E2F1: variants seen among roughly 807,000 people sequenced by gnomAD.
E2F1 encodes E2F transcription factor 1.
In E2F1, 7 loss-of-function variants were observed where a neutral mutation model predicts 36.9. The observed-to-expected ratio is 0.19, with a 90% CI of 0.11 to 0.36. The LOEUF is 0.36. Ranked by LOEUF, E2F1 falls within the 10% of genes least tolerant of loss-of-function variation. The probability of loss-of-function intolerance (pLI) is 1.00; values close to 1 mark genes in which losing one functional copy is unlikely to be tolerated. For synonymous variants in E2F1, 261 were observed against 263.1 expected (o/e 0.99, Z 0.08); for missense variants, 406 against 573.6 (o/e 0.71, Z 2.99).
chr20:33,683,694 C>A (rs1446096889), intron 1 of E2F1, among the ~76,000 whole-genome samples: 2 of 151,956 alleles, frequency 1.3e-5, no homozygotes, highest in Non-Finnish European at 2.9e-5. Flanking sequence ...ATAGCTTGAA[C>A]TTGGGAGGCA....
At position 33,678,331 on chromosome 20, in the gene E2F1, C is replaced by T. The variant is rs771638059; in HGVS notation, c.595G>A (p.Val199Ile). 20 of 1,612,260 alleles carry T rather than the reference C, an allele frequency of 1.2e-5. No homozygotes were observed. Among genetic ancestry groups the T allele is most frequent in the South Asian group, 3.3e-5 (3 of 91,012 alleles). ...QWLGSHTTVGVGGRLEGLTQD... is the reference protein window; with the variant it reads ...QWLGSHTTVGIGGRLEGLTQD... ...GTCAACCCCTCAAGCCGTCCGCCGA[C>T]GCCCACTGTGGTGTGGCTGCCCCTG... Residue 199 changes from valine to isoleucine, a missense_variant, in exon 4 of 7, where the codon GTC becomes ATC. This residue lies in a region of E2F1 where 93 missense variants were observed against 143.3 expected (regional missense o/e 0.65). Coordinates refer to ENST00000343380, the MANE Select transcript of E2F1 (RefSeq NM_005225.3).
Position 33,677,540 on chromosome 20 carries a change from G to A in E2F1, c.726C>T (p.Arg242=). The change falls in exon 5 of 7, where the codon CGC becomes CGT. Residue 242 remains arginine, a splice_region_variant and synonymous_variant. Transcript: ENST00000343380. Reference sequence around the variant, plus strand: ...GGTCCTGACACGTCACGTAGGCCAGGGTTGGCAGAGTCAAGGACCACATGA... The same window carrying A: ...GGTCCTGACACGTCACGTAGGCCAGAGTTGGCAGAGTCAAGGACCACATGA... ...RLLSEDTDSQ[R]LAYVTCQDLR... is the part of the protein sequence containing the mutation. 2 of 1,613,438 alleles carry A rather than the reference G, an allele frequency of 1.2e-6. No individual in the cohort carries two copies. The highest frequency in any genetic ancestry group is 2.7e-5 in the African/African-American group (2 of 75,000).
At chr20:33,685,866 C>G in intron 1 of E2F1, 138 bp downstream of exon 1, 1 of 859,656 alleles carries the variant, frequency 1.2e-6, no homozygotes, top group South Asian at 5.5e-5. Context: ...CCAACCCCGG[C>G]TCTGCACCGC....
chr20:33,679,625 A>G lies in E2F1; in HGVS notation c.572+130T>C, dbSNP rs149406045. ...TACCATCTATCATCTCAGGGAAGCT[A>G]CCTCTCCTCTCTGAGCCCGTTTCCC... On this transcript the variant is annotated intron_variant, in intron 3 of 6. Coordinates refer to ENST00000343380, the MANE Select transcript of E2F1 (RefSeq NM_005225.3). This position sits in a 1 kb window ranked among gnomAD's most constrained non-coding sequence, Gnocchi z 4.6. The G allele has an allele frequency of 4.0e-4, 314 of 789,650 alleles. No homozygotes were observed. The African/African-American group carries it at 4.8e-3, about 12-fold the overall frequency. The allele number at this position is 789,650 out of a possible 1,614,324, so 48.9% of individuals were successfully genotyped here.
At chr20:33,677,362 G>A (rs746765090) in intron 5 of E2F1, 32 bp from the exon 6 acceptor site, 2 of 1,610,880 alleles carry the variant, frequency 1.2e-6, no homozygotes, top group Admixed American at 3.3e-5. Context: ...GGTAAACTGA[G>A]GCCCAGGTGA....
Position 33,676,999 on chromosome 20 carries a change from C to G in E2F1, c.1067-20G>C, listed in dbSNP as rs1247319154. The G allele has an allele frequency of 1.3e-6, 2 of 1,558,260 alleles. No individual in the cohort carries two copies. The highest frequency in any genetic ancestry group is 1.7e-6 in the Non-Finnish European group (2 of 1,147,994). On this transcript the variant is annotated intron_variant, in intron 6 of 6. Coordinates refer to ENST00000343380, the MANE Select transcript of E2F1 (RefSeq NM_005225.3). ...GCGGTTCTGGGGAGACGGGGAGCAT[C>G]ACAGGCCGGGGATGCCCCAGCAGGG...
At position 33,676,881 on chromosome 20, in the gene E2F1, C is replaced by T. The variant is rs560760846; in HGVS notation, c.1165G>A (p.Glu389Lys). ...TCAGGGAGGAGGCCGGAGAAGTCCT[C>T]CCGCACATGCTCCAGGAGCGAGTCG... ...AADSLLEHVR[E>K]DFSGLLPEEF... Residue 389 changes from glutamate to lysine, a missense_variant, in exon 7 of 7, where the codon GAG (glutamate) becomes AAG (lysine). Physicochemically the swap from Glu to Lys is moderately conservative, Grantham distance 56. Around this residue, in one of 5 missense-constraint regions of E2F1, gnomAD observed 163 missense variants for 181.5 expected, o/e 0.90. Transcript: ENST00000343380. 6 of 1,577,748 alleles carry T rather than the reference C, an allele frequency of 3.8e-6. No homozygotes were observed. Among genetic ancestry groups the T allele is most frequent in the South Asian group, 3.5e-5 (3 of 86,896 alleles).
At chr20:33,684,083 G>A (rs1422884913) in intron 1 of E2F1, among the ~76,000 whole-genome samples, 1 of 152,178 alleles carries the variant, frequency 6.6e-6, no homozygotes, top group Non-Finnish European at 1.5e-5. Flanking sequence ...TTGTCTCTGG[G>A]CCTAGTGCCT....
At position 33,680,229 on chromosome 20, in the gene E2F1, A is replaced by G; in HGVS notation, c.352+97T>C. ...TCCTCAGAGGCCTGGCTCAAGCCCG[A>G]CAAGCCAGACGTTAGCTTGCAAGCA... is the stretch of plus-strand genomic sequence containing the variant. On this transcript the variant is annotated intron_variant, in intron 2 of 6. Coordinates refer to ENST00000343380, the MANE Select transcript of E2F1 (RefSeq NM_005225.3). 3 of 1,370,574 alleles carry G rather than the reference A, an allele frequency of 2.2e-6. No individual in the cohort carries two copies. In the South Asian group the frequency reaches 4.0e-5, roughly 18 times the overall value. 84.9% of individuals were successfully genotyped at this position (1,370,574 alleles called of 1,614,324 possible).
chr20:33,676,688 G>C lies in E2F1; in HGVS notation c.*44C>G, dbSNP rs772778710. ...GGACAGGGGGCTCCAGGGCTGCAGA[G>C]ACAAGGTGAGCATCTCTGGAAACCC... On this transcript the variant is annotated 3_prime_UTR_variant, in exon 7 of 7. Transcript: ENST00000343380. The C allele has an allele frequency of 7.7e-6, 12 of 1,554,212 alleles. No individual in the cohort carries two copies. The highest frequency in any genetic ancestry group is 1.0e-5 in the Non-Finnish European group (12 of 1,148,802).
At position 33,678,230 on chromosome 20, in the gene E2F1, G is replaced by A; in HGVS notation, c.696C>T (p.Arg232=). 6.2e-7 allele frequency: 1 copy of A among 1,613,666 alleles called. No individual in the cohort carries two copies. The highest frequency in any genetic ancestry group is 8.5e-7 in the Non-Finnish European group (1 of 1,179,822). Residue 232 remains arginine, a synonymous_variant, in exon 4 of 7, where the codon CGC becomes CGT. Coordinates refer to ENST00000343380, the MANE Select transcript of E2F1 (RefSeq NM_005225.3). ...HLMNICTTQL[R]LLSEDTDSQR... Reference sequence around the variant, plus strand: ...GGCTGTCAGTGTCCTCGGAGAGCAGGCGCAGCTGCGTAGTACAGATATTCA... The same window carrying A: ...GGCTGTCAGTGTCCTCGGAGAGCAGACGCAGCTGCGTAGTACAGATATTCA...
intron 1 of E2F1, among the ~76,000 whole-genome samples, chr20:33,681,817 C>T (rs2018020379): frequency 6.6e-6 from 1 of 152,162 alleles, no homozygotes; most frequent in South Asian, 2.1e-4. Flanking sequence ...CCACACTGGT[C>T]TCCCTGCCTC....
rs1234891094 is a variant in E2F1 at position 33,675,981 on chromosome 20, AG to A, written c.*750del. The A allele has an allele frequency of 6.5e-6, 1 of 152,866 alleles. No homozygotes were observed. The highest frequency in any genetic ancestry group is 1.5e-5 in the Non-Finnish European group (1 of 68,494). 9.5% of individuals were successfully genotyped at this position (152,866 alleles called of 1,614,324 possible). On this transcript the variant is annotated 3_prime_UTR_variant, in exon 7 of 7. Coordinates refer to ENST00000343380, the MANE Select transcript of E2F1 (RefSeq NM_005225.3). Reference sequence around the variant, plus strand: ...ATCTGACCACCCATGGCTGTCAGTCAGTCTGTCTCCCTCCCTCACTTTCCCA... The same window carrying A: ...ATCTGACCACCCATGGCTGTCAGTCATCTGTCTCCCTCCCTCACTTTCCCA...
At position 33,685,990 on chromosome 20, in the gene E2F1, C is replaced by T; in HGVS notation, c.261+14G>A. On this transcript the variant is annotated intron_variant, in intron 1 of 6. Coordinates refer to ENST00000343380, the MANE Select transcript of E2F1 (RefSeq NM_005225.3). ...CAGGCGGCGCTGTCGGCGCGGCGTCCCTGGGGTCCGTACCGGCGGGCGGCC... is the reference window on the plus strand; with the variant it reads ...CAGGCGGCGCTGTCGGCGCGGCGTCTCTGGGGTCCGTACCGGCGGGCGGCC... 1 of 1,129,842 alleles carries T rather than the reference C, an allele frequency of 8.9e-7. No individual in the cohort carries two copies. The highest frequency in any genetic ancestry group is 1.1e-6 in the Non-Finnish European group (1 of 923,530). The allele number at this position is 1,129,842 out of a possible 1,614,324, so 70.0% of individuals were successfully genotyped here. A position where few individuals can be genotyped will look rare whatever the true frequency, so the allele number is the denominator to read the frequency against.
chr20:33,683,382 T>C (rs3213157), intron 1 of E2F1, among the ~76,000 whole-genome samples: 4,814 of 129,536 alleles, frequency 0.037, 250 homozygotes, highest in African/African-American at 0.13. Flanking sequence ...ACCCAGGAGG[T>C]AGAGGTTGCG....
rs2018065219 is a variant in E2F1, at chr20:33,686,022, G to C, written c.243C>G (p.Pro81=). ...APRPTPSAPR[P]ALGRPPVKRR... is the part of the protein sequence containing the mutation. Reference sequence around the variant, plus strand: ...TCCGTACCGGCGGGCGGCCGAGCGCGGGCCGCGGCGCACTGGGTGTGGGCC... The same window carrying C: ...TCCGTACCGGCGGGCGGCCGAGCGCCGGCCGCGGCGCACTGGGTGTGGGCC... Residue 81 remains proline, a synonymous_variant, in exon 1 of 7, where the codon CCC becomes CCG. Transcript: ENST00000343380. 2.0e-5 allele frequency: 23 copies of C among 1,132,534 alleles called. No individual in the cohort carries two copies. The highest frequency in any genetic ancestry group is 2.4e-5 in the Non-Finnish European group (22 of 925,512). The allele number at this position is 1,132,534 out of a possible 1,614,324, so 70.2% of individuals were successfully genotyped here. A position where few individuals can be genotyped will look rare whatever the true frequency, so the allele number is the denominator to read the frequency against.
rs1177598997 is a variant in E2F1, at chr20:33,676,665, ACAGGGGGCTC to A, written c.*57_*66del. On this transcript the variant is annotated 3_prime_UTR_variant, in exon 7 of 7. Coordinates refer to ENST00000343380, the MANE Select transcript of E2F1 (RefSeq NM_005225.3). ...AAACAGGCTGGGAGGACGGCCAGGG[ACAGGGGGCTC>A]CAGGGCTGCAGAGACAAGGTGAGCA... is the stretch of plus-strand genomic sequence containing the variant. The A allele has an allele frequency of 2.2e-5, 34 of 1,520,422 alleles. No individual in the cohort carries two copies. The highest frequency in any genetic ancestry group is 2.8e-5 in the Non-Finnish European group (32 of 1,133,188). 94.2% of individuals were successfully genotyped at this position (1,520,422 alleles called of 1,614,324 possible).
rs568759199 is a variant in E2F1 at position 33,679,979 on chromosome 20, G to T, written c.353-5C>A. The stretch of plus-strand genomic sequence containing the variant: ...TCTCCCCCGGGGATTTCACACCTGT[G>T]GGGGTGTGGTCAGGCAAGACAGGGC... On this transcript the variant is annotated splice_polypyrimidine_tract_variant and splice_region_variant and intron_variant, in intron 2 of 6. Coordinates refer to ENST00000343380, the MANE Select transcript of E2F1 (RefSeq NM_005225.3). The surrounding 1 kb of genome is among the most constrained non-coding windows in gnomAD (Gnocchi z 4.6). 7 of 1,610,518 alleles carry T rather than the reference G, an allele frequency of 4.3e-6. No homozygotes were observed. Among genetic ancestry groups the T allele is most frequent in the Non-Finnish European group, 5.1e-6 (6 of 1,177,816 alleles).
intron 4 of E2F1, among the ~76,000 whole-genome samples, chr20:33,677,983 AT>A (rs1430909214): frequency 1.3e-5 from 2 of 152,094 alleles, no homozygotes; most frequent in African/African-American, 2.4e-5. Flanking sequence ...AATCTGTACA[AT>A]TTCAGAATTG....
Sources: gnomAD v4.1 joint callset for allele counts (sites outside exome capture counted in the v4.1 genomes callset) on GRCh38, gnomAD v4.1.1 for gene constraint, gnomAD v4.1.1 regional missense constraint, Gnocchi (gnomAD v3.1) non-coding constraint, MANE v1.5 for transcripts, NCBI Gene and HGNC (gene_info 2026-07-23, HGNC 2026-07-21) for gene names.